The following SGCG variants were observed in gnomAD, a reference collection of about 807,000 sequenced individuals.
SGCG encodes sarcoglycan gamma.
A neutral mutation model predicts 29.3 loss-of-function variants in SGCG; 26 were observed. The ratio of observed to expected loss-of-function variants is 0.89; its 90% CI spans 0.65 to 1.23. The LOEUF is 1.23. Ranked by LOEUF, SGCG falls within the 50% of genes most tolerant of loss-of-function variation. SGCG has a pLI of 0.00. For synonymous variants in SGCG, 145 were observed against 129.7 expected, an observed-to-expected ratio of 1.12 and a Z score of -0.80; for missense variants, 353 against 356.0, an observed-to-expected ratio of 0.99 and a Z score of 0.07.
intron 4 of SGCG, among the ~76,000 whole-genome samples, chr13:23,252,658 T>C (rs1402340901): frequency 6.6e-6 from 1 of 152,038 alleles, no homozygotes; most frequent in Non-Finnish European, 1.5e-5. Context: ...ATCACTGCAC[T>C]CCAGCCTGGG....
chr13:23,282,728 A>G (rs1258780296), intron 5 of SGCG, among the ~76,000 whole-genome samples: 1 of 152,080 alleles, frequency 6.6e-6, no homozygotes, highest in Non-Finnish European at 1.5e-5. Context: ...ACTGATGAGC[A>G]TTTACGGTGA....
intron 5 of SGCG, among the ~76,000 whole-genome samples, chr13:23,282,382 A>G (rs544418489): frequency 5.3e-5 from 8 of 152,146 alleles, no homozygotes; most frequent in Admixed American, 2.6e-4. Context: ...GGTTTGTTAT[A>G]TAGGTAACTT....
chr13:23,275,503 T>TAAA (rs35071248), intron 4 of SGCG, among the ~76,000 whole-genome samples: 41 of 145,590 alleles, frequency 2.8e-4, no homozygotes, highest in African/African-American at 4.8e-4. Flanking sequence ...ACCCTGTCTT[T>TAAA]AAAAAAAAAA....
chr13:23,315,390 A>T (rs1882767551), intron 6 of SGCG, among the ~76,000 whole-genome samples: 1 of 152,202 alleles, frequency 6.6e-6, no homozygotes, highest in Non-Finnish European at 1.5e-5. Context: ...CAGGTCCTGA[A>T]GGCACATGTA....
At chr13:23,274,030 G>A (rs983589098) in intron 4 of SGCG, among the ~76,000 whole-genome samples, 3 of 152,138 alleles carry the variant, frequency 2.0e-5, no homozygotes, top group African/African-American at 7.2e-5. Context: ...CATAAAGGTG[G>A]TGTCTGTGAT....
intron 7 of SGCG, among the ~76,000 whole-genome samples, chr13:23,321,691 G>T (rs760241476): frequency 3.3e-5 from 5 of 152,144 alleles, no homozygotes; most frequent in African/African-American, 4.8e-5. Flanking sequence ...AGAAAGGGGT[G>T]CCATTTAAAA....
At chr13:23,321,592 C>T (rs1357461639) in intron 7 of SGCG, among the ~76,000 whole-genome samples, 2 of 152,258 alleles carry the variant, frequency 1.3e-5, no homozygotes, top group Admixed American at 6.5e-5. Flanking sequence ...CAGTGACTCA[C>T]GGGCTGGGAG....
intron 4 of SGCG, among the ~76,000 whole-genome samples, chr13:23,259,161 T>C (rs1267148110): frequency 6.6e-6 from 1 of 152,186 alleles, no homozygotes; most frequent in Non-Finnish European, 1.5e-5. Flanking sequence ...TGGCTGTAAA[T>C]CCGTCTGCTC....
chr13:23,210,849 C>A (rs1475140019), intron 2 of SGCG, among the ~76,000 whole-genome samples: 2 of 152,040 alleles, frequency 1.3e-5, no homozygotes, highest in Non-Finnish European at 2.9e-5. Context: ...ATATCAGGAT[C>A]CATGAAGATC....
the SGCG span, among the ~76,000 whole-genome samples, chr13:23,174,808 G>A: frequency 0.12 from 18,592 of 152,128 alleles, 1,191 homozygotes; most frequent in East Asian, 0.16. Context: ...TGTGAACACC[G>A]TTTGTTGCAT....
chr13:23,171,954 A>T, the SGCG span, among the ~76,000 whole-genome samples: 1 of 152,228 alleles, frequency 6.6e-6, no homozygotes, highest in African/African-American at 2.4e-5. Context: ...TGAGGATGCT[A>T]TTCAAAATCA....
intron 6 of SGCG, among the ~76,000 whole-genome samples, chr13:23,296,273 AC>A (rs1221479387): frequency 6.6e-6 from 1 of 152,188 alleles, no homozygotes; most frequent in Non-Finnish European, 1.5e-5. Context: ...TGCAAAAGGC[AC>A]TCTTGAAAAT....
At chr13:23,249,241 G>A (rs1292310414) in intron 3 of SGCG, among the ~76,000 whole-genome samples, 1 of 152,156 alleles carries the variant, frequency 6.6e-6, no homozygotes, top group Non-Finnish European at 1.5e-5. Flanking sequence ...CATCAGAGTT[G>A]TGAAGGTAGC....
At chr13:23,181,290 C>T (rs1277978004) in intron 1 of SGCG, among the ~76,000 whole-genome samples, 1 of 152,094 alleles carries the variant, frequency 6.6e-6, no homozygotes, top group African/African-American at 2.4e-5. Flanking sequence ...AAATATGCTA[C>T]ATATTTTTAG....
chr13:23,183,097 A>G lies in SGCG; in HGVS notation c.-1+2022A>G, dbSNP rs572500533. ...GTTTAGGCTATGGAGCCAGACTGCCATTTGACCTTGTGTGAATTACTTAAT... is the reference window on the plus strand; with the variant it reads ...GTTTAGGCTATGGAGCCAGACTGCCGTTTGACCTTGTGTGAATTACTTAAT... On this transcript the variant is annotated intron_variant, in intron 1 of 7. Transcript: ENST00000218867. Among the ~76,000 whole-genome samples the G allele has an allele frequency of 2.6e-5, 4 of 152,346 alleles. No individual in the cohort carries two copies. The South Asian group carries it at 8.3e-4, about 32-fold the overall frequency.
intron 5 of SGCG, among the ~76,000 whole-genome samples, chr13:23,281,341 GTAATAATAATAATAATAATAA>G (rs57723057): frequency 2.0e-5 from 3 of 146,572 alleles, no homozygotes; most frequent in Non-Finnish European, 3.0e-5. Flanking sequence ...CCGTGTCTCA[GTAATAATAATAATAATAATAA>G]TAATAATAAT....
intron 7 of SGCG, among the ~76,000 whole-genome samples, chr13:23,323,974 CTAATA>C (rs1883140229): frequency 6.6e-6 from 1 of 152,128 alleles, no homozygotes; most frequent in Non-Finnish European, 1.5e-5. Flanking sequence ...CGGGAGAATT[CTAATA>C]TGTTTGACAA....
chr13:23,225,674 G>C (rs764296794), intron 2 of SGCG, among the ~76,000 whole-genome samples: 35 of 152,022 alleles, frequency 2.3e-4, no homozygotes, highest in Non-Finnish European at 1.2e-4. Flanking sequence ...GGAATTAGCT[G>C]TTTCTCCAAG....
intron 4 of SGCG, among the ~76,000 whole-genome samples, chr13:23,259,794 A>G (rs1880354566): frequency 6.6e-6 from 1 of 151,980 alleles, no homozygotes; most frequent in South Asian, 2.1e-4. Context: ...CCTTCATTTC[A>G]TTATTTACCC....
Sources: gnomAD v4.1 joint callset for allele counts (sites outside exome capture counted in the v4.1 genomes callset) on GRCh38, gnomAD v4.1.1 for gene constraint, MANE v1.5 for transcripts, NCBI Gene and HGNC (gene_info 2026-07-23, HGNC 2026-07-21) for gene names.